Variants in SS18 observed in about 807,000 individuals in gnomAD.
The protein encoded by SS18 is protein SSXT.
In SS18, 28 loss-of-function variants were observed where a neutral mutation model predicts 72.5. The ratio of observed to expected loss-of-function variants is 0.39; its 90% CI spans 0.29 to 0.53. SS18 has a LOEUF of 0.53. Among genes scored for constraint, SS18 ranks in the 20% least tolerant of loss-of-function variants. SS18 has a pLI of 0.76. For synonymous variants in SS18, 172 were observed against 164.2 expected, an observed-to-expected ratio of 1.05 and a Z score of -0.37; for missense variants, 518 against 535.3, an observed-to-expected ratio of 0.97 and a Z score of 0.32.
At chr18:26,039,195 AGAAAAC>A in intron 6 of SS18, 88 bp downstream of exon 6, 1 of 829,486 alleles carries the variant, frequency 1.2e-6, no homozygotes, top group Non-Finnish European at 1.6e-6. Context: ...AAAAAAAAAA[AGAAAAC>A]GCCCTGACTT....
At chr18:26,063,036 T>C (rs2054151188) in intron 3 of SS18, among the ~76,000 whole-genome samples, 1 of 152,232 alleles carries the variant, frequency 6.6e-6, no homozygotes. Flanking sequence ...TAATTTGTAT[T>C]TACAGAATCC....
chr18:26,042,403 A>C (rs1177799512), intron 5 of SS18, among the ~76,000 whole-genome samples: 3 of 152,204 alleles, frequency 2.0e-5, no homozygotes, highest in African/African-American at 7.2e-5. Flanking sequence ...CTGATGTCTT[A>C]ATTACCTAGA....
intron 4 of SS18, 65 bp from the exon 5 acceptor site, chr18:26,052,910 T>A: frequency 7.2e-7 from 1 of 1,385,514 alleles, no homozygotes; most frequent in Non-Finnish European, 1.0e-6. Flanking sequence ...CAAAAGTACC[T>A]GGAAATAATT....
chr18:26,034,290 C>G (rs2053591955), intron 9 of SS18, among the ~76,000 whole-genome samples: 1 of 152,136 alleles, frequency 6.6e-6, no homozygotes, highest in South Asian at 2.1e-4. Flanking sequence ...AGTCAGTATT[C>G]ATAAGCAGCT....
At chr18:26,068,180 T>C (rs2054252375) in intron 3 of SS18, 2 of 152,198 alleles carry the variant, frequency 1.3e-5, no homozygotes, top group South Asian at 4.1e-4. Flanking sequence ...TTATCCTGTT[T>C]ATCAAACACT....
chr18:26,071,644 G>A (rs552175334), intron 3 of SS18, among the ~76,000 whole-genome samples: 2 of 151,998 alleles, frequency 1.3e-5, no homozygotes, highest in Admixed American at 6.6e-5. Context: ...TAGCCCGGGC[G>A]ATATAAGACC....
At chr18:26,069,134 T>C (rs1224941752) in intron 3 of SS18, among the ~76,000 whole-genome samples, 1 of 152,206 alleles carries the variant, frequency 6.6e-6, no homozygotes, top group Non-Finnish European at 1.5e-5. Context: ...TACTCCAGAA[T>C]CTAATGCCCC....
intron 7 of SS18, among the ~76,000 whole-genome samples, chr18:26,037,239 C>T (rs916108179): frequency 2.6e-5 from 4 of 151,546 alleles, no homozygotes; most frequent in African/African-American, 9.7e-5. Flanking sequence ...AATAACAAAC[C>T]AATATATTTT....
chr18:26,080,477 G>C, intron 2 of SS18: 1 of 569,126 alleles, frequency 1.8e-6, no homozygotes, highest in Non-Finnish European at 2.2e-6. Flanking sequence ...AAGCCAGTGT[G>C]AAACTACTAT....
At chr18:26,022,495 G>A (rs2053369666) in intron 10 of SS18, among the ~76,000 whole-genome samples, 1 of 151,684 alleles carries the variant, frequency 6.6e-6, no homozygotes, top group Non-Finnish European at 1.5e-5. Context: ...ACACAGGACA[G>A]AGCCAACAAA....
At chr18:26,059,550 T>A (rs1318798769) in intron 3 of SS18, among the ~76,000 whole-genome samples, 1 of 152,010 alleles carries the variant, frequency 6.6e-6, no homozygotes, top group East Asian at 1.9e-4. Context: ...AAGACTGGAG[T>A]GTAGGCCCCA....
chr18:26,076,101 G>T (rs544095035), intron 3 of SS18, among the ~76,000 whole-genome samples: 4 of 151,824 alleles, frequency 2.6e-5, no homozygotes, highest in Non-Finnish European at 5.9e-5. Flanking sequence ...CAATGCTCAC[G>T]ATTTGGAAAA....
At chr18:26,060,955 C>CAAAA (rs768913124) in intron 3 of SS18, among the ~76,000 whole-genome samples, 1 of 91,798 alleles carries the variant, frequency 1.1e-5, no homozygotes, top group African/African-American at 3.5e-5. Context: ...AACTTTGTCT[C>CAAAA]AAAAAAAAAA....
chr18:26,090,718 C>T (rs1428298188), upstream of SS18: 2 of 789,640 alleles, frequency 2.5e-6, no homozygotes, highest in East Asian at 2.7e-5. Context: ...GCGGGGCAGG[C>T]CTGAAGGAGG....
Position 26,016,972 on chromosome 18 carries a change from C to T in SS18, c.*1382G>A, listed in dbSNP as rs150946090. ...ATACATCTTATTCCCTGGGCATAGG[C>T]AACTGTGATGAAAATAGCAACTTAC... is the stretch of plus-strand genomic sequence containing the variant. On this transcript the variant is annotated 3_prime_UTR_variant, in exon 11 of 11. Transcript: ENST00000415083. The T allele has an allele frequency of 1.8e-3, 405 of 226,128 alleles. 1 individual carries two copies. The highest frequency in any genetic ancestry group is 8.4e-3 in the African/African-American group (379 of 45,036). 14.0% of individuals were successfully genotyped at this position (226,128 alleles called of 1,614,324 possible).
In SS18 at chr18:26,087,530, C is replaced by T. The variant is rs1265709875; in HGVS notation, c.117G>A (p.Gln39=). The T allele has an allele frequency of 6.3e-7, 1 of 1,597,542 alleles. No individual in the cohort carries two copies. The highest frequency in any genetic ancestry group is 2.2e-5 in the East Asian group (1 of 44,470). Residue 39 remains glutamine, a synonymous_variant, in exon 2 of 11, where the codon CAG becomes CAA. Transcript: ENST00000415083. The part of the protein sequence containing the change: ...NHLIQCIMDS[Q]NKGKTSECSQ... ...AACACTCTGAGGTCTTTCCTTTATT[C>T]TGAGAGTCCATTATACACTGAATAA... is the stretch of plus-strand genomic sequence containing the variant.
intron 2 of SS18, among the ~76,000 whole-genome samples, chr18:26,080,658 T>C (rs1290913808): frequency 6.6e-6 from 1 of 152,224 alleles, no homozygotes; most frequent in Non-Finnish European, 1.5e-5. Context: ...CTTTTCAATT[T>C]TTAATTGTGA....
At chr18:26,089,518 T>C (rs1260359007) in intron 1 of SS18, among the ~76,000 whole-genome samples, 1 of 152,258 alleles carries the variant, frequency 6.6e-6, no homozygotes. Context: ...TTTTTTCTAT[T>C]TTGATCTTTG....
intron 5 of SS18, among the ~76,000 whole-genome samples, chr18:26,043,487 C>T (rs1355886210): frequency 6.6e-6 from 1 of 152,182 alleles, no homozygotes; most frequent in East Asian, 1.9e-4. Flanking sequence ...ACCATTTAAT[C>T]TCTAACCCAA....
Sources: allele counts gnomAD v4.1 joint callset (sites outside exome capture counted in the v4.1 genomes callset), GRCh38; gene constraint gnomAD v4.1.1; transcripts MANE v1.5; gene names NCBI Gene and HGNC (gene_info 2026-07-23, HGNC 2026-07-21).